The following MPP4 variants were observed in gnomAD, a reference collection of about 807,000 sequenced individuals.
MPP4 encodes the protein MAGUK p55 scaffold protein 4.
Under a neutral mutation model 98.3 loss-of-function variants are expected in MPP4, and 91 were observed. That is an observed-to-expected ratio of 0.93 (90% confidence interval 0.78 to 1.10). The LOEUF is 1.10. MPP4 is among the 50% of genes least tolerant of loss of function. MPP4 has a pLI of 0.00. For synonymous variants in MPP4, 261 were observed against 271.8 expected, an observed-to-expected ratio of 0.96 and a Z score of 0.39; for missense variants, 744 against 792.9, an observed-to-expected ratio of 0.94 and a Z score of 0.74.
intron 21 of MPP4, chr2:201,646,855 G>C (rs900648739): frequency 6.6e-6 from 1 of 152,110 alleles, no homozygotes; most frequent in East Asian, 1.9e-4. Flanking sequence ...AAATTCTAGA[G>C]CTCTGTTTCA....
At position 201,672,434 on chromosome 2, in the gene MPP4, C is replaced by T. The variant is rs530281162; in HGVS notation, c.995-2684G>A. ...GAAGGAGACAGAGACACAAAAAAAC[C>T]TTCAAAAAAATCAATGAATTCAGGA... On this transcript the variant is annotated intron_variant, in intron 11 of 21. Transcript: ENST00000409474. Among the ~76,000 whole-genome samples the T allele has an allele frequency of 2.0e-3, 306 of 151,928 alleles. 1 individual carries two copies. The highest frequency in any genetic ancestry group is 7.0e-3 in the African/African-American group (291 of 41,456).
In MPP4 at chr2:201,650,179, G is replaced by T; in HGVS notation, c.1382-14C>A. ...TACGAGTAGTGTCTATCAGAAAAAG[G>T]GAATGAAAGGTTTCAGTGTCTTCAG... On this transcript the variant is annotated splice_polypyrimidine_tract_variant and intron_variant, in intron 18 of 21. Transcript: ENST00000409474. The T allele has an allele frequency of 6.4e-7, 1 of 1,551,708 alleles. No homozygotes were observed. The highest frequency in any genetic ancestry group is 1.2e-5 in the South Asian group (1 of 82,368).
rs1270890219 is a variant in MPP4 at position 201,657,591 on chromosome 2, T to TTTTTTTTG, written c.1129+885_1129+886insCAAAAAAA. The stretch of plus-strand genomic sequence containing the variant: ...CTAACAGTGAGAACCCTGGCCCTTG[T>TTTTTTTTG]TTTTTTTTTGTTTTTTTGTTTTTTT... On this transcript the variant is annotated intron_variant, in intron 16 of 21. Transcript: ENST00000409474. Among the ~76,000 whole-genome samples the TTTTTTTTG allele has an allele frequency of 1.1e-3, 114 of 106,124 alleles. 6 individuals are homozygous for TTTTTTTTG. The highest frequency in any genetic ancestry group is 8.5e-3 in the Middle Eastern group (2 of 236). 69.6% of individuals were successfully genotyped at this position (106,124 alleles called of 152,430 possible).
chr2:201,693,302 C>T (rs985925302), intron 2 of MPP4, among the ~76,000 whole-genome samples: 5 of 152,118 alleles, frequency 3.3e-5, no homozygotes, highest in Admixed American at 6.6e-5. Context: ...AATAATAGAT[C>T]GTGATGTGCA....
At chr2:201,693,485 T>G (rs1689096532) in intron 2 of MPP4, among the ~76,000 whole-genome samples, 1 of 152,214 alleles carries the variant, frequency 6.6e-6, no homozygotes, top group South Asian at 2.1e-4. Context: ...TGAAAAATTC[T>G]AACTCCCAAT....
intron 13 of MPP4, 86 bp downstream of exon 13, chr2:201,666,248 C>A: frequency 8.6e-7 from 1 of 1,158,388 alleles, no homozygotes; most frequent in Non-Finnish European, 1.2e-6. Context: ...GCCCATGGCC[C>A]CTTTGGACAC....
At chr2:201,682,945 A>G (rs1181953370) in intron 7 of MPP4, 29 bp from the exon 8 acceptor site, 6 of 1,575,840 alleles carry the variant, frequency 3.8e-6, no homozygotes, top group Non-Finnish European at 4.4e-6. Flanking sequence ...AAAACAAAGA[A>G]AGATACAAAG....
chr2:201,680,852 G>A lies in MPP4; in HGVS notation c.915C>T (p.Asn305=). 6.2e-7 allele frequency: 1 copy of A among 1,612,900 alleles called. No homozygotes were observed. The highest frequency in any genetic ancestry group is 8.5e-7 in the Non-Finnish European group (1 of 1,179,416). The change falls in exon 10 of 22, where the codon AAC becomes AAT. Residue 305 remains asparagine (N), a synonymous_variant. Coordinates refer to ENST00000409474, the MANE Select transcript of MPP4 (RefSeq NM_033066.3). The stretch of plus-strand genomic sequence containing the variant: ...ACGTTCCTTACCTCTTCAGAAGGTG[G>A]TTAGAAGGGACAAGCCCAGCGCAGG... ...PATCAGLVPS[N]HLLKRKQREF... is the part of the protein sequence containing the mutation.
chr2:201,689,985 G>A (rs948141596), intron 4 of MPP4, among the ~76,000 whole-genome samples: 2 of 152,130 alleles, frequency 1.3e-5, no homozygotes, highest in Admixed American at 6.5e-5. Flanking sequence ...ATGAACACAC[G>A]CTAAAAATGA....
Position 201,694,002 on chromosome 2 carries a change from C to T in MPP4, c.-48G>A. On this transcript the variant is annotated 5_prime_UTR_variant, in exon 2 of 22. The change abolishes the stop of an existing upstream ORF in the 5' untranslated region. Transcript: ENST00000409474. ...AGGAATTCAGGACTAGGAAGCGGGTCAATACACGGCACACAGCTCACTCAG... is the reference window on the plus strand; with the variant it reads ...AGGAATTCAGGACTAGGAAGCGGGTTAATACACGGCACACAGCTCACTCAG... 1 of 1,613,656 alleles carries T rather than the reference C, an allele frequency of 6.2e-7. No individual in the cohort carries two copies. The highest frequency in any genetic ancestry group is 8.5e-7 in the Non-Finnish European group (1 of 1,179,742).
chr2:201,677,523 C>G (rs958084988), intron 10 of MPP4, among the ~76,000 whole-genome samples: 5 of 152,140 alleles, frequency 3.3e-5, no homozygotes, highest in African/African-American at 1.2e-4. Context: ...TAAAAACAAA[C>G]AAGCAAAACC....
At chr2:201,651,079 C>A (rs1055810194) in intron 18 of MPP4, 1 of 985,228 alleles carries the variant, frequency 1.0e-6, no homozygotes, top group African/African-American at 1.7e-5. Context: ...TACTGTAAAG[C>A]TAGTCCCTTA....
At chr2:201,670,218 A>AT (rs1263529698) in intron 11 of MPP4, among the ~76,000 whole-genome samples, 1 of 152,222 alleles carries the variant, frequency 6.6e-6, no homozygotes, top group Non-Finnish European at 1.5e-5. Flanking sequence ...ACTAACATCA[A>AT]TAACATTTCA....
chr2:201,666,293 A>G (rs576598319), intron 13 of MPP4, 41 bp downstream of exon 13: 2 of 1,509,156 alleles, frequency 1.3e-6, no homozygotes, highest in Admixed American at 2.1e-5. Context: ...GACATGCTTC[A>G]TATTTCTTCT....
At chr2:201,667,142 G>C (rs752911693) in intron 12 of MPP4, among the ~76,000 whole-genome samples, 1 of 152,154 alleles carries the variant, frequency 6.6e-6, no homozygotes, top group African/African-American at 2.4e-5. Context: ...ATATATAAGA[G>C]AATAAAGGAA....
In MPP4 at chr2:201,687,299, G is replaced by A. The variant is rs1290685625; in HGVS notation, c.352C>T (p.His118Tyr). ...TTTTAGCAGGCACTTGCCTTGAAGTGTGGAGCCTGGAGCATTTGTCTCAGC... is the reference window on the plus strand; with the variant it reads ...TTTTAGCAGGCACTTGCCTTGAAGTATGGAGCCTGGAGCATTTGTCTCAGC... ...QELRQMLQAPHFKALLSAHDT... is the reference protein window; with the variant it reads ...QELRQMLQAPYFKALLSAHDT... Residue 118 changes from histidine (H) to tyrosine (Y), a missense_variant, in exon 5 of 22, where the codon CAC (histidine) becomes TAC (tyrosine). By Grantham distance (83) the His-to-Tyr change is moderately conservative (BLOSUM62 2). Transcript: ENST00000409474. The A allele has an allele frequency of 8.3e-6, 13 of 1,575,472 alleles. No homozygotes were observed. The highest frequency in any genetic ancestry group is 8.6e-6 in the Non-Finnish European group (10 of 1,158,668).
At chr2:201,677,905 G>T (rs1168570059) in intron 10 of MPP4, among the ~76,000 whole-genome samples, 1 of 152,152 alleles carries the variant, frequency 6.6e-6, no homozygotes, top group Non-Finnish European at 1.5e-5. Context: ...CTCGGGGCAG[G>T]CCTCTTGCCC....
chr2:201,671,482 C>T (rs1378719927), intron 11 of MPP4, among the ~76,000 whole-genome samples: 2 of 152,122 alleles, frequency 1.3e-5, no homozygotes, highest in East Asian at 1.9e-4. Flanking sequence ...CAGGACCCAT[C>T]GGTGTGCTGT....
At chr2:201,677,208 T>C (rs547721235) in intron 10 of MPP4, among the ~76,000 whole-genome samples, 1 of 152,296 alleles carries the variant, frequency 6.6e-6, no homozygotes, top group African/African-American at 2.4e-5. Flanking sequence ...ACCCTGGCCT[T>C]TCTCCTCTGG....
Sources: gnomAD v4.1 joint callset for allele counts (sites outside exome capture counted in the v4.1 genomes callset) on GRCh38, gnomAD v4.1.1 for gene constraint, MANE v1.5 for transcripts, NCBI Gene and HGNC (gene_info 2026-07-23, HGNC 2026-07-21) for gene names.